Variants in CNTN4 observed in about 807,000 individuals in gnomAD.
CNTN4 encodes the protein contactin 4, also known as contactin-4.
A neutral mutation model predicts 122.5 loss-of-function variants in CNTN4; 77 were observed. The ratio of observed to expected loss-of-function variants is 0.63; its 90% CI spans 0.52 to 0.76. The LOEUF (loss-of-function observed/expected upper bound fraction) is 0.76, where lower values mean the gene tolerates loss of function less well. CNTN4 is among the 30% of genes least tolerant of loss of function. The pLI, the probability that CNTN4 is intolerant of heterozygous loss-of-function variation, is 0.00. For synonymous variants in CNTN4, 512 were observed against 447.0 expected (o/e 1.15, Z -1.83); for missense variants, 1,256 against 1,259.1 (o/e 1.00, Z 0.04).
chr3:2,692,221 AATAGCAGGAG>A, intron 4 of CNTN4, among the ~76,000 whole-genome samples: 1 of 152,314 alleles, frequency 6.6e-6, no homozygotes, highest in Middle Eastern at 3.4e-3. Context: ...TATTTTTGCA[AATAGCAGGAG>A]GAAAAGTTGG....
chr3:2,764,312 TAAG>T (rs2090738494), intron 6 of CNTN4, among the ~76,000 whole-genome samples: 1 of 152,224 alleles, frequency 6.6e-6, no homozygotes. Flanking sequence ...TAGAGAGCAT[TAAG>T]AAAAACTTCA....
chr3:3,019,765 A>AATATATATATAT (rs67229453), intron 14 of CNTN4, among the ~76,000 whole-genome samples: 24 of 138,032 alleles, frequency 1.7e-4, no homozygotes, highest in African/African-American at 3.0e-4. Context: ...TGTGTACACA[A>AATATATATATAT]ATATATATAT....
chr3:2,486,306 C>T (rs574199472), intron 3 of CNTN4, among the ~76,000 whole-genome samples: 2 of 152,234 alleles, frequency 1.3e-5, no homozygotes, highest in South Asian at 2.1e-4. Context: ...CGTAAGGGTC[C>T]GCGGCTTCAT....
At chr3:2,798,236 A>C (rs2092251847) in intron 6 of CNTN4, among the ~76,000 whole-genome samples, 1 of 151,636 alleles carries the variant, frequency 6.6e-6, no homozygotes, top group Admixed American at 6.6e-5. Context: ...TTGCTACAAA[A>C]GACAAGATTT....
intron 4 of CNTN4, among the ~76,000 whole-genome samples, chr3:2,583,792 C>T (rs1381735742): frequency 1.3e-5 from 2 of 151,720 alleles, no homozygotes; most frequent in Non-Finnish European, 2.9e-5. Flanking sequence ...TTGGGTGTAC[C>T]GAGATATCTG....
At chr3:2,763,019 A>G (rs368129406) in intron 6 of CNTN4, among the ~76,000 whole-genome samples, 10 of 144,214 alleles carry the variant, frequency 6.9e-5, no homozygotes, top group South Asian at 2.2e-4. Context: ...TCAGCTCTCC[A>G]CAAGCTCCGC....
chr3:2,405,256 T>C (rs1467682397), intron 3 of CNTN4, among the ~76,000 whole-genome samples: 1 of 152,140 alleles, frequency 6.6e-6, no homozygotes, highest in African/African-American at 2.4e-5. Flanking sequence ...AAGCTTTGTT[T>C]GGTGAGAGAG....
chr3:2,853,718 T>C (rs2093584348), intron 7 of CNTN4, among the ~76,000 whole-genome samples: 1 of 152,196 alleles, frequency 6.6e-6, no homozygotes, highest in African/African-American at 2.4e-5. Flanking sequence ...GCATGGACAC[T>C]TTGCGCTCGC....
intron 7 of CNTN4, among the ~76,000 whole-genome samples, chr3:2,855,915 A>T (rs906201965): frequency 6.6e-6 from 1 of 152,176 alleles, no homozygotes; most frequent in Non-Finnish European, 1.5e-5. Context: ...GACTTAAAAC[A>T]TGTATTTTGA....
intron 2 of CNTN4, among the ~76,000 whole-genome samples, chr3:2,250,152 T>TA (rs2040318394): frequency 6.6e-6 from 1 of 151,996 alleles, no homozygotes; most frequent in Non-Finnish European, 1.5e-5. Flanking sequence ...CTTTTCTATG[T>TA]AAAATCATAT....
rs138594832 is a variant in CNTN4, at chr3:2,654,412, G to A, written c.56-81803G>A. On this transcript the variant is annotated intron_variant, in intron 4 of 24. Transcript: ENST00000418658. Reference sequence around the variant, plus strand: ...AAAATTATACTGTTTGTAATCATGGGTATTGAAAAAGCCCAGACATTTGAG... The same window carrying A: ...AAAATTATACTGTTTGTAATCATGGATATTGAAAAAGCCCAGACATTTGAG... Among the ~76,000 whole-genome samples, 960 of 152,246 alleles carry A rather than the reference G, an allele frequency of 6.3e-3. 3 individuals carry two copies. Among genetic ancestry groups the A allele is most frequent in the Non-Finnish European group, 0.01 (712 of 68,006 alleles).
chr3:2,839,028 A>G (rs1239357424), intron 7 of CNTN4, among the ~76,000 whole-genome samples: 1 of 152,196 alleles, frequency 6.6e-6, no homozygotes, highest in East Asian at 1.9e-4. Flanking sequence ...TGAATGTCGT[A>G]CTAATGGCCT....
intron 2 of CNTN4, among the ~76,000 whole-genome samples, chr3:2,215,649 G>A (rs1044927061): frequency 2.0e-5 from 3 of 152,104 alleles, no homozygotes; most frequent in Non-Finnish European, 2.9e-5. Flanking sequence ...TTGGGAGGCC[G>A]AGGCACGTGG....
intron 7 of CNTN4, among the ~76,000 whole-genome samples, chr3:2,854,268 CTTTTTTTTTT>C (rs56147510): frequency 2.2e-5 from 2 of 90,050 alleles, no homozygotes; most frequent in East Asian, 3.2e-4. Flanking sequence ...CTTTCTTCTT[CTTTTTTTTTT>C]TTTTTTTTTT....
At chr3:2,159,590 AT>A (rs2035870485) in intron 2 of CNTN4, among the ~76,000 whole-genome samples, 1 of 152,088 alleles carries the variant, frequency 6.6e-6, no homozygotes, top group South Asian at 2.1e-4. Context: ...TATTAAATGG[AT>A]TATCTGTCTG....
In CNTN4 at chr3:2,883,188, A is replaced by G. The variant is rs757582238; in HGVS notation, c.696A>G (p.Pro232=). Residue 232 remains proline (P), a synonymous_variant, in exon 9 of 25, where the codon CCA becomes CCG. Coordinates refer to ENST00000418658, the MANE Select transcript of CNTN4 (RefSeq NM_175607.3). ...AGCCCAAAATAGAAGTGCAGTTCCC[A>G]GAAACAGTTCCGACTGCAAAAGGAG... ...EYEPKIEVQF[P]ETVPTAKGAT... is the part of the protein sequence containing the mutation. 1.1e-5 allele frequency: 18 copies of G among 1,613,956 alleles called. No homozygotes were observed. In the Middle Eastern group the frequency reaches 5.0e-4, roughly 44 times the overall value.
intron 2 of CNTN4, among the ~76,000 whole-genome samples, chr3:2,249,735 A>G (rs1445979251): frequency 6.6e-6 from 1 of 151,964 alleles, no homozygotes; most frequent in East Asian, 1.9e-4. Context: ...TGAAGGTAAT[A>G]GAGTGGGTAA....
chr3:3,009,223 C>T (rs1169506031), intron 14 of CNTN4, among the ~76,000 whole-genome samples: 2 of 152,186 alleles, frequency 1.3e-5, no homozygotes, highest in African/African-American at 4.8e-5. Context: ...GAGCCTCTTT[C>T]TCTGGGAGGC....
At chr3:2,188,961 C>G (rs2037400162) in intron 2 of CNTN4, among the ~76,000 whole-genome samples, 1 of 152,142 alleles carries the variant, frequency 6.6e-6, no homozygotes, top group African/African-American at 2.4e-5. Flanking sequence ...TTGGGAGATG[C>G]TATGTACACT....
Sources: gnomAD v4.1 joint callset for allele counts (sites outside exome capture counted in the v4.1 genomes callset) on GRCh38, gnomAD v4.1.1 for gene constraint, MANE v1.5 for transcripts, NCBI Gene and HGNC (gene_info 2026-07-23, HGNC 2026-07-21) for gene names.